NIN: variants seen among roughly 807,000 people sequenced by gnomAD.
NIN encodes ninein.
Under a neutral mutation model 257.6 loss-of-function variants are expected in NIN, and 137 were observed. The ratio of observed to expected loss-of-function variants is 0.53; its 90% CI spans 0.46 to 0.61. The LOEUF is 0.61. Ranked by LOEUF, NIN falls within the 20% of genes least tolerant of loss-of-function variation. The pLI, the probability that NIN is intolerant of heterozygous loss-of-function variation, is 0.00. For synonymous variants in NIN, 918 were observed against 919.8 expected (o/e 1.00, Z 0.04); for missense variants, 2,439 against 2,501.2 (o/e 0.98, Z 0.53).
rs1202340709 is a variant in NIN, at chr14:50,770,909, G to A, written c.1202C>T (p.Ala401Val). The A allele has an allele frequency of 6.2e-7, 1 of 1,614,050 alleles. No homozygotes were observed. The highest frequency in any genetic ancestry group is 8.5e-7 in the Non-Finnish European group (1 of 1,180,050). The change falls in exon 11 of 31, where the codon GCC (alanine) becomes GTC (valine). Residue 401 changes from alanine (A) to valine (V), a missense_variant. By Grantham distance (64) the Ala-to-Val change is moderately conservative. Coordinates refer to ENST00000530997, the MANE Select transcript of NIN (RefSeq NM_020921.4). ...DKAEKLKSLM[A>V]SEVDDHHAAI... is the part of the protein sequence containing the mutation. ...CGCATGGTGATCATCCACCTCCGAG[G>A]CCATTAAAGACTTGAGCTTCTCGGC...
intron 2 of NIN, among the ~76,000 whole-genome samples, chr14:50,823,919 A>T (rs757291674): frequency 2.6e-5 from 4 of 152,230 alleles, no homozygotes; most frequent in Admixed American, 6.5e-5. Flanking sequence ...CACAGGAGTT[A>T]AGAATTTAGA....
At chr14:50,778,448 G>C (rs11844378) in intron 6 of NIN, among the ~76,000 whole-genome samples, 1 of 152,174 alleles carries the variant, frequency 6.6e-6, no homozygotes, top group Non-Finnish European at 1.5e-5. Context: ...GATTACAGGC[G>C]TGAGCCACTG....
chr14:50,750,365 G>C (rs8016320), intron 21 of NIN, among the ~76,000 whole-genome samples: 87,261 of 152,020 alleles, frequency 0.57, 26,903 homozygotes, highest in African/African-American at 0.81. Flanking sequence ...AGATCTCAAT[G>C]TAACATCAGA....
Position 50,771,684 on chromosome 14 carries a change from GA to G in NIN, c.982-217del, listed in dbSNP as rs34664482. Among the ~76,000 whole-genome samples the G allele has an allele frequency of 0.17, 25,549 of 146,052 alleles. 2,554 individuals are homozygous for G. Among genetic ancestry groups the G allele is most frequent in the South Asian group, 0.27 (1,243 of 4,660 alleles). ...ATAACATGGTTATTTGTGTTAAAAA[GA>G]AAAAAAAAAAATTATCTTGGCCAGG... On this transcript the variant is annotated intron_variant, in intron 9 of 30. Coordinates refer to ENST00000530997, the MANE Select transcript of NIN (RefSeq NM_020921.4).
At position 50,740,995 on chromosome 14, in the gene NIN, T is replaced by G. The variant is rs2041257267; in HGVS notation, c.5448+587A>C. ...ATGTGTCAGCCAGCTAACACTTTAATCAGCTCTTCCTGGACTTTCTGGTGC... is the reference window on the plus strand; with the variant it reads ...ATGTGTCAGCCAGCTAACACTTTAAGCAGCTCTTCCTGGACTTTCTGGTGC... On this transcript the variant is annotated intron_variant, in intron 25 of 30. Coordinates refer to ENST00000530997, the MANE Select transcript of NIN (RefSeq NM_020921.4). 2.0e-5 allele frequency among the ~76,000 whole-genome samples: 3 copies of G among 152,228 alleles called. No homozygotes were observed. The South Asian group carries it at 6.2e-4, about 32-fold the overall frequency.
chr14:50,721,527 C>T lies in NIN; in HGVS notation c.*1936G>A, dbSNP rs1238440564. On this transcript the variant is annotated 3_prime_UTR_variant, in exon 31 of 31. Transcript: ENST00000530997. ...TACAGGTACTTAGTTTATTTTTGTCCTTAGCCTAGGCCAATCCACAGTTTT... is the reference window on the plus strand; with the variant it reads ...TACAGGTACTTAGTTTATTTTTGTCTTTAGCCTAGGCCAATCCACAGTTTT... The T allele has an allele frequency of 9.2e-6, 2 of 217,716 alleles. No individual in the cohort carries two copies. Among genetic ancestry groups the T allele is most frequent in the African/African-American group, 4.5e-5 (2 of 44,408 alleles). The allele number at this position is 217,716 out of a possible 1,614,324, so 13.5% of individuals were successfully genotyped here. A position where few individuals can be genotyped will look rare whatever the true frequency, so the allele number is the denominator to read the frequency against.
chr14:50,730,573 G>A (rs1334077810), intron 28 of NIN, among the ~76,000 whole-genome samples: 3 of 151,224 alleles, frequency 2.0e-5, no homozygotes, highest in Non-Finnish European at 4.4e-5. Flanking sequence ...TGAAATGTCA[G>A]AGCCACTATC....
chr14:50,747,569 A>G (rs1474529128), intron 22 of NIN, among the ~76,000 whole-genome samples: 1 of 152,084 alleles, frequency 6.6e-6, no homozygotes, highest in Admixed American at 6.6e-5. Flanking sequence ...CCCCACCTCT[A>G]TTAAAAACAC....
intron 7 of NIN, among the ~76,000 whole-genome samples, chr14:50,774,695 A>G (rs184269347): frequency 3.9e-5 from 6 of 152,162 alleles, no homozygotes; most frequent in Non-Finnish European, 1.5e-5. Flanking sequence ...GTTTGGCTCT[A>G]ACATTAGATC....
At chr14:50,823,609 G>T (rs565461781) in intron 2 of NIN, 1 of 178,758 alleles carries the variant, frequency 5.6e-6, no homozygotes, top group African/African-American at 2.4e-5. Context: ...GGTTTCAGCA[G>T]AACTGGGTGG....
At position 50,754,811 on chromosome 14, in the gene NIN, G is replaced by T; in HGVS notation, c.4595C>A (p.Thr1532Asn). 6.3e-7 allele frequency: 1 copy of T among 1,580,466 alleles called. No homozygotes were observed. The highest frequency in any genetic ancestry group is 8.6e-7 in the Non-Finnish European group (1 of 1,162,222). The change falls in exon 19 of 31, where the codon ACT becomes AAT. Residue 1532 changes from threonine to asparagine, a missense_variant. Transcript: ENST00000530997. ...AGAAATGCTATCTTCTTCATTTAAA[G>T]TAGTAATTTCATTTCTCAAAATAGA... ...ENSILRNEITTLNEEDSISNL... is the reference protein window; with the variant it reads ...ENSILRNEITNLNEEDSISNL...
Position 50,735,496 on chromosome 14 carries a change from C to T in NIN, c.5877+20G>A, listed in dbSNP as rs772191116. 6.2e-6 allele frequency: 10 copies of T among 1,611,100 alleles called. No individual in the cohort carries two copies. In the East Asian group the frequency reaches 2.0e-4, roughly 32 times the overall value. On this transcript the variant is annotated intron_variant, in intron 28 of 30. Transcript: ENST00000530997. ...ATTAACATATTCTTCATAGCTAAGG[C>T]CATCTGCTGAGAAACTTACCTCCAT...
Position 50,720,510 on chromosome 14 carries a change from G to A in NIN, c.*2953C>T. On this transcript the variant is annotated 3_prime_UTR_variant, in exon 31 of 31. Transcript: ENST00000530997. ...AGTGCATTATTAAAATACTAGACCT[G>A]CAAGATCTCTTCCTATGCCTTGGAA... 1 of 209,600 alleles carries A rather than the reference G, an allele frequency of 4.8e-6. No homozygotes were observed. Among genetic ancestry groups the A allele is most frequent in the Non-Finnish European group, 9.7e-6 (1 of 102,732 alleles). 13.0% of individuals were successfully genotyped at this position (209,600 alleles called of 1,614,324 possible).
chr14:50,828,124 A>C (rs1160725093), intron 2 of NIN, among the ~76,000 whole-genome samples: 1 of 151,776 alleles, frequency 6.6e-6, no homozygotes, highest in Non-Finnish European at 1.5e-5. Context: ...AAAAGGAGAA[A>C]GCTTATAACA....
At chr14:50,773,201 C>T (rs1007299901) in intron 7 of NIN, 106 bp from the exon 8 acceptor site, 9 of 748,960 alleles carry the variant, frequency 1.2e-5, no homozygotes, top group Non-Finnish European at 1.9e-5. Context: ...CCCAGGACTC[C>T]AGAAATATAA....
At chr14:50,774,194 C>G (rs2042837173) in intron 7 of NIN, among the ~76,000 whole-genome samples, 1 of 152,192 alleles carries the variant, frequency 6.6e-6, no homozygotes, top group African/African-American at 2.4e-5. Context: ...TGCATTTGAG[C>G]CTACAACTGG....
rs114572515 is a variant in NIN at position 50,768,676 on chromosome 14, G to A, written c.1434+1712C>T. On this transcript the variant is annotated intron_variant, in intron 12 of 30. Coordinates refer to ENST00000530997, the MANE Select transcript of NIN (RefSeq NM_020921.4). Reference sequence around the variant, plus strand: ...TCAAGTTTGAAAGGTATGAGGACGAGCTCCTTTTCAAGAGCCTTGACTGCT... The same window carrying A: ...TCAAGTTTGAAAGGTATGAGGACGAACTCCTTTTCAAGAGCCTTGACTGCT... 3.3e-3 allele frequency among the ~76,000 whole-genome samples: 506 copies of A among 152,280 alleles called. 4 individuals are homozygous for A. Among genetic ancestry groups the A allele is most frequent in the African/African-American group, 0.012 (481 of 41,544 alleles).
intron 2 of NIN, 48 bp from the exon 3 acceptor site, chr14:50,822,125 C>T: frequency 1.4e-6 from 2 of 1,406,142 alleles, no homozygotes; most frequent in African/African-American, 1.4e-5. Flanking sequence ...CCTCTCCAGT[C>T]CTACCGTGGT....
chr14:50,723,375 G>C lies in NIN; in HGVS notation c.*88C>G. On this transcript the variant is annotated 3_prime_UTR_variant, in exon 31 of 31. Coordinates refer to ENST00000530997, the MANE Select transcript of NIN (RefSeq NM_020921.4). ...TCCAGTTGTGTTGCTGGCAGTTTTAGGTTAGGCTTAATTTTAAGTTGAGAA... is the reference window on the plus strand; with the variant it reads ...TCCAGTTGTGTTGCTGGCAGTTTTACGTTAGGCTTAATTTTAAGTTGAGAA... The C allele has an allele frequency of 8.7e-7, 1 of 1,153,858 alleles. No individual in the cohort carries two copies. The highest frequency in any genetic ancestry group is 1.4e-5 in the South Asian group (1 of 69,998). 71.5% of individuals were successfully genotyped at this position (1,153,858 alleles called of 1,614,324 possible).
Sources: allele counts gnomAD v4.1 joint callset (sites outside exome capture counted in the v4.1 genomes callset), GRCh38; gene constraint gnomAD v4.1.1; transcripts MANE v1.5; gene names NCBI Gene and HGNC (gene_info 2026-07-23, HGNC 2026-07-21).